RAP1GDS1: variants seen among roughly 807,000 people sequenced by gnomAD.
The protein encoded by RAP1GDS1 is Rap1 GTPase-GDP dissociation stimulator 1, also known as RAP1, GTP-GDP dissociation stimulator 1.
Under a neutral mutation model 71.1 loss-of-function variants are expected in RAP1GDS1, and 35 were observed. The ratio of observed to expected loss-of-function variants is 0.49; its 90% CI spans 0.38 to 0.65. RAP1GDS1 has a LOEUF of 0.65. Among genes scored for constraint, RAP1GDS1 ranks in the 30% least tolerant of loss-of-function variants. The pLI, the probability that RAP1GDS1 is intolerant of heterozygous loss-of-function variation, is 0.00. For missense variants in RAP1GDS1, 663 were observed against 706.1 expected, an observed-to-expected ratio of 0.94 and a Z score of 0.69; for synonymous variants, 229 against 243.1, an observed-to-expected ratio of 0.94 and a Z score of 0.54.
intron 1 of RAP1GDS1, among the ~76,000 whole-genome samples, chr4:98,278,902 A>G (rs576194929): frequency 1.2e-4 from 19 of 152,268 alleles, no homozygotes; most frequent in Non-Finnish European, 1.9e-4. Context: ...ATGGCATTCC[A>G]TTTTAAAAAG....
intron 3 of RAP1GDS1, among the ~76,000 whole-genome samples, chr4:98,349,685 C>G (rs1736856554): frequency 6.6e-6 from 1 of 152,266 alleles, no homozygotes; most frequent in South Asian, 2.1e-4. Flanking sequence ...TCATTCACAT[C>G]CCTTGTAAGT....
At chr4:98,378,864 TG>T (rs5860534) in intron 4 of RAP1GDS1, among the ~76,000 whole-genome samples, 152 bp from the exon 5 acceptor site, 8,022 of 152,028 alleles carry the variant, frequency 0.053, 522 homozygotes, top group African/African-American at 0.16. Context: ...TTATTTCTTT[TG>T]TTTTTTTCTG....
chr4:98,387,336 A>G (rs1404042440), intron 5 of RAP1GDS1: 3 of 408,944 alleles, frequency 7.3e-6, no homozygotes, highest in South Asian at 3.4e-5. Flanking sequence ...AATTCTCAGC[A>G]TACTTTTCTG....
chr4:98,359,145 C>T (rs1738364895), intron 4 of RAP1GDS1, among the ~76,000 whole-genome samples: 2 of 151,924 alleles, frequency 1.3e-5, no homozygotes, highest in Admixed American at 1.3e-4. Context: ...TTTCTCCCTC[C>T]AAATTGGACT....
intron 14 of RAP1GDS1, among the ~76,000 whole-genome samples, chr4:98,440,235 A>G (rs1410986081): frequency 3.9e-5 from 6 of 152,142 alleles, no homozygotes; most frequent in Non-Finnish European, 5.9e-5. Flanking sequence ...TCATCAATCC[A>G]TGGACATTTG....
chr4:98,283,817 A>AT (rs10582639), intron 1 of RAP1GDS1, among the ~76,000 whole-genome samples: 1,848 of 133,958 alleles, frequency 0.014, 20 homozygotes, highest in South Asian at 0.05. Flanking sequence ...TTTCATTGTG[A>AT]TTTTTTTTTT....
intron 1 of RAP1GDS1, among the ~76,000 whole-genome samples, chr4:98,280,442 T>G (rs1261960088): frequency 1.3e-5 from 2 of 152,186 alleles, no homozygotes; most frequent in Non-Finnish European, 2.9e-5. Context: ...CTTTGCCCAC[T>G]TTTTGATGGG....
rs973930273 is a variant in RAP1GDS1 at position 98,416,341 on chromosome 4, T to G, written c.764-404T>G. ...AAATCATGCATTTTCTTAGTTTTTT[T>G]TTTTTTTTTTTTTTTTTTTTTTTGA... is the stretch of plus-strand genomic sequence containing the variant. On this transcript the variant is annotated intron_variant, in intron 7 of 14. Transcript: ENST00000408927. Among the ~76,000 whole-genome samples, 8 of 119,268 alleles carry G rather than the reference T, an allele frequency of 6.7e-5. No homozygotes were observed. The East Asian group carries it at 1.4e-3, about 20-fold the overall frequency. 78.2% of individuals were successfully genotyped at this position (119,268 alleles called of 152,430 possible).
chr4:98,314,347 C>G (rs1374681131), intron 2 of RAP1GDS1, among the ~76,000 whole-genome samples: 2 of 152,126 alleles, frequency 1.3e-5, no homozygotes, highest in African/African-American at 4.8e-5. Context: ...TTCTTAACTT[C>G]AAAAGAAATC....
intron 6 of RAP1GDS1, 84 bp from the exon 7 acceptor site, chr4:98,404,393 G>A: frequency 7.9e-7 from 1 of 1,273,722 alleles, no homozygotes; most frequent in Non-Finnish European, 1.1e-6. Context: ...TATCAGTAAT[G>A]GTACAAAATA....
At position 98,276,418 on chromosome 4, in the gene RAP1GDS1, G is replaced by T. The variant is rs1724207299; in HGVS notation, c.4+14849G>T. Among the ~76,000 whole-genome samples, 2 of 151,492 alleles carry T rather than the reference G, an allele frequency of 1.3e-5. 1 individual carries two copies. The highest frequency in any genetic ancestry group is 4.2e-4 in the South Asian group (2 of 4,808). Reference sequence around the variant, plus strand: ...TTGTAACGGTTTTCCATTACCTAGAGCAGGGTTCCCAAACTCAAATGTAAC... The same window carrying T: ...TTGTAACGGTTTTCCATTACCTAGATCAGGGTTCCCAAACTCAAATGTAAC... On this transcript the variant is annotated intron_variant, in intron 1 of 14. Transcript: ENST00000408927.
At chr4:98,317,788 T>C (rs1048060710) in intron 2 of RAP1GDS1, among the ~76,000 whole-genome samples, 1 of 151,786 alleles carries the variant, frequency 6.6e-6, no homozygotes, top group Non-Finnish European at 1.5e-5. Context: ...TGCTCTATGC[T>C]GTTACCTCAG....
intron 6 of RAP1GDS1, among the ~76,000 whole-genome samples, chr4:98,401,306 A>G (rs1016925604): frequency 1.3e-5 from 2 of 152,226 alleles, no homozygotes; most frequent in East Asian, 3.8e-4. Flanking sequence ...ACATTATTCC[A>G]GGAAAAATGA....
At chr4:98,354,407 A>T (rs948275190) in intron 4 of RAP1GDS1, among the ~76,000 whole-genome samples, 1 of 152,230 alleles carries the variant, frequency 6.6e-6, no homozygotes, top group African/African-American at 2.4e-5. Flanking sequence ...TTCTTGAATT[A>T]TACATTGTTT....
At chr4:98,441,332 A>G (rs1751839512) in intron 14 of RAP1GDS1, 1 of 983,076 alleles carries the variant, frequency 1.0e-6, no homozygotes, top group African/African-American at 1.7e-5. Flanking sequence ...TTAAATAGAG[A>G]AAGCAAGTCA....
chr4:98,418,571 A>T, intron 9 of RAP1GDS1, 86 bp from the exon 10 acceptor site: 1 of 1,197,936 alleles, frequency 8.3e-7, no homozygotes, highest in Non-Finnish European at 1.1e-6. Context: ...ATTTTCCCTA[A>T]TGTAGATAAT....
intron 2 of RAP1GDS1, among the ~76,000 whole-genome samples, chr4:98,315,334 A>G (rs1406365674): frequency 6.6e-6 from 1 of 152,148 alleles, no homozygotes; most frequent in African/African-American, 2.4e-5. Context: ...GTAGCGACTC[A>G]GTAAAAATAC....
At position 98,441,866 on chromosome 4, in the gene RAP1GDS1, C is replaced by A; in HGVS notation, c.1697-124C>A. Reference sequence around the variant, plus strand: ...AGACATTGCTAGGCTACTGCTATGTCTTTTTCCAGAATTGTTTCTAGTTTT... The same window carrying A: ...AGACATTGCTAGGCTACTGCTATGTATTTTTCCAGAATTGTTTCTAGTTTT... On this transcript the variant is annotated intron_variant, in intron 14 of 14. Coordinates refer to ENST00000408927, the MANE Select transcript of RAP1GDS1 (RefSeq NM_001100427.2). The A allele has an allele frequency of 2.7e-6, 3 of 1,113,350 alleles. 1 individual carries two copies. In the South Asian group the frequency reaches 6.3e-5, roughly 23 times the overall value. The allele number at this position is 1,113,350 out of a possible 1,614,324, so 69.0% of individuals were successfully genotyped here.
At chr4:98,320,582 G>A (rs1290079712) in intron 2 of RAP1GDS1, among the ~76,000 whole-genome samples, 3 of 151,860 alleles carry the variant, frequency 2.0e-5, no homozygotes, top group African/African-American at 7.3e-5. Context: ...CTGAGAACGG[G>A]CAGACTGCCT....
Sources: allele counts gnomAD v4.1 joint callset (sites outside exome capture counted in the v4.1 genomes callset), GRCh38; gene constraint gnomAD v4.1.1; transcripts MANE v1.5; gene names NCBI Gene and HGNC (gene_info 2026-07-23, HGNC 2026-07-21).